Variants in PPP1R16A observed in about 807,000 individuals in gnomAD.
PPP1R16A encodes myosin phosphatase-targeting subunit 3.
A neutral mutation model predicts 46.6 loss-of-function variants in PPP1R16A; 39 were observed. That is an observed-to-expected ratio of 0.84 (90% confidence interval 0.65 to 1.09). The LOEUF (loss-of-function observed/expected upper bound fraction) is 1.09, where lower values mean the gene tolerates loss of function less well. PPP1R16A is among the 50% of genes least tolerant of loss of function. The probability of loss-of-function intolerance (pLI) is 0.00; values close to 1 mark genes in which losing one functional copy is unlikely to be tolerated. For synonymous variants in PPP1R16A, 413 were observed against 321.5 expected (o/e 1.28, Z -3.04); for missense variants, 798 against 735.6 (o/e 1.08, Z -0.98).
rs1199328180 is a variant in PPP1R16A at position 144,498,907 on chromosome 8, G to A, written c.331-9G>A. On this transcript the variant is annotated splice_polypyrimidine_tract_variant and intron_variant, in intron 4 of 11. Transcript: ENST00000435887. ...CGTGCTCTGGTCGCTCACGTGGCACGGTTTGCAGTGCTGCATTGATGATTT... is the reference window on the plus strand; with the variant it reads ...CGTGCTCTGGTCGCTCACGTGGCACAGTTTGCAGTGCTGCATTGATGATTT... 4 of 1,612,770 alleles carry A rather than the reference G, an allele frequency of 2.5e-6. No individual in the cohort carries two copies. The highest frequency in any genetic ancestry group is 3.4e-6 in the Non-Finnish European group (4 of 1,179,874).
Position 144,478,220 on chromosome 8 carries a change from G to A in PPP1R16A, c.-914+93G>A, listed in dbSNP as rs1825255437. On this transcript the variant is annotated intron_variant, in intron 1 of 11. Transcript: ENST00000435887. ...GCAGTGGCGGGCCCGGGAAGGAGGG[G>A]CACTGGGTCGACACCGAGAGAGGAG... The A allele has an allele frequency of 1.5e-5, 6 of 388,268 alleles. No homozygotes were observed. In the East Asian group the frequency reaches 2.2e-4, roughly 14 times the overall value. 24.1% of individuals were successfully genotyped at this position (388,268 alleles called of 1,614,324 possible). A position where few individuals can be genotyped will look rare whatever the true frequency, so the allele number is the denominator to read the frequency against.
intron 2 of PPP1R16A, among the ~76,000 whole-genome samples, chr8:144,491,876 G>A (rs1313113018): frequency 5.3e-5 from 8 of 152,096 alleles, no homozygotes; most frequent in Non-Finnish European, 7.4e-5. Context: ...AGGCTACAGC[G>A]AGCCGTGATT....
chr8:144,501,418 C>T (rs1370139892), intron 11 of PPP1R16A, 102 bp from the exon 12 acceptor site: 17 of 1,478,114 alleles, frequency 1.2e-5, no homozygotes, highest in African/African-American at 1.1e-4. Context: ...CAGCTTTTGC[C>T]CCATCTCTCC....
chr8:144,486,710 T>C (rs1825639653), intron 1 of PPP1R16A, among the ~76,000 whole-genome samples: 1 of 152,198 alleles, frequency 6.6e-6, no homozygotes, highest in South Asian at 2.1e-4. Flanking sequence ...ATCGTTTCAT[T>C]TTTACTGCTG....
At position 144,500,977 on chromosome 8, in the gene PPP1R16A, C is replaced by A. The variant is rs569440310; in HGVS notation, c.1037+6C>A. 6.9e-7 allele frequency: 1 copy of A among 1,449,006 alleles called. No individual in the cohort carries two copies. The highest frequency in any genetic ancestry group is 9.0e-7 in the Non-Finnish European group (1 of 1,112,640). The allele number at this position is 1,449,006 out of a possible 1,614,324, so 89.8% of individuals were successfully genotyped here. A position where few individuals can be genotyped will look rare whatever the true frequency, so the allele number is the denominator to read the frequency against. On this transcript the variant is annotated splice_donor_region_variant and intron_variant, in intron 10 of 11. Transcript: ENST00000435887. ...TCCAGCGCCGGCAGCCGCGGGTGAGCGCCGCCCCCAGCAGGCCCCGCCCCG... is the reference window on the plus strand; with the variant it reads ...TCCAGCGCCGGCAGCCGCGGGTGAGAGCCGCCCCCAGCAGGCCCCGCCCCG...
rs1223192962 is a variant in PPP1R16A, at chr8:144,493,960, G to T, written c.-734-2501G>T. On this transcript the variant is annotated intron_variant, in intron 2 of 11. Transcript: ENST00000435887. This position sits in a 1 kb window ranked among gnomAD's most constrained non-coding sequence, Gnocchi z 4.3. ...CAGGGGGACTGGGGGGGTTCCCACT[G>T]TCCAGCTGCTGTTCTCTGATGAATT... 6.6e-6 allele frequency among the ~76,000 whole-genome samples: 1 copy of T among 152,134 alleles called. No homozygotes were observed. The highest frequency in any genetic ancestry group is 1.5e-5 in the Non-Finnish European group (1 of 67,984).
intron 1 of PPP1R16A, among the ~76,000 whole-genome samples, chr8:144,483,271 T>C (rs1825510554): frequency 6.6e-6 from 1 of 152,232 alleles, no homozygotes; most frequent in Non-Finnish European, 1.5e-5. Context: ...TCCTGCCTCC[T>C]ACAAATGATG....
intron 2 of PPP1R16A, among the ~76,000 whole-genome samples, chr8:144,492,731 G>A (rs755948042): frequency 1.2e-4 from 19 of 152,066 alleles, no homozygotes; most frequent in South Asian, 4.1e-4. Flanking sequence ...CTTTCGCTCC[G>A]CCTGTAGAAG....
chr8:144,491,742 G>A (rs1319772933), intron 2 of PPP1R16A, among the ~76,000 whole-genome samples: 5 of 145,806 alleles, frequency 3.4e-5, no homozygotes, highest in South Asian at 2.2e-4. Context: ...CAGCCTGGGC[G>A]ATGGAGCGAG....
Position 144,498,777 on chromosome 8 carries a change from G to C in PPP1R16A, c.267G>C (p.Gln89His). ...CTCGCCACCTTTTTGCAGTCCGCCA[G>C]TTCCTTGGGAGTGGGGTCAGCCCTG... ...AARNDLEEVR[Q>H]FLGSGVSPDL... is the part of the protein sequence containing the mutation. Residue 89 changes from glutamine to histidine, a missense_variant, in exon 4 of 12, where the codon CAG becomes CAC. Coordinates refer to ENST00000435887, the MANE Select transcript of PPP1R16A (RefSeq NM_001329443.2). The C allele has an allele frequency of 6.3e-7, 1 of 1,588,270 alleles. No homozygotes were observed. Among genetic ancestry groups the C allele is most frequent in the Non-Finnish European group, 8.6e-7 (1 of 1,161,502 alleles).
rs554263341 is a variant in PPP1R16A at position 144,500,966 on chromosome 8, C to T, written c.1032C>T (p.Ser344=). Residue 344 remains serine (S), a synonymous_variant, in exon 10 of 12, where the codon AGC becomes AGT. Transcript: ENST00000435887. ...LLRRRTSSAG[S]RGKVVRRVSL... The stretch of plus-strand genomic sequence containing the variant: ...GCCGCCGCACCTCCAGCGCCGGCAG[C>T]CGCGGGTGAGCGCCGCCCCCAGCAG... 1.4e-6 allele frequency: 2 copies of T among 1,468,316 alleles called. No homozygotes were observed. The highest frequency in any genetic ancestry group is 2.9e-5 in the East Asian group (1 of 35,008). 91.0% of individuals were successfully genotyped at this position (1,468,316 alleles called of 1,614,324 possible).
At chr8:144,499,444 C>G (rs545874698) in intron 5 of PPP1R16A, 5 of 240,930 alleles carry the variant, frequency 2.1e-5, no homozygotes, top group Non-Finnish European at 4.0e-5. Context: ...TTACCTTTAA[C>G]ACAGAGGGAC....
intron 2 of PPP1R16A, among the ~76,000 whole-genome samples, chr8:144,491,346 G>T (rs1271015487): frequency 1.3e-5 from 2 of 152,164 alleles, no homozygotes; most frequent in African/African-American, 4.8e-5. Flanking sequence ...GGGTGTGGTG[G>T]CTCATACCTA....
chr8:144,501,202 G>C lies in PPP1R16A; in HGVS notation c.1111G>C (p.Val371Leu), dbSNP rs769057783. Residue 371 changes from valine (V) to leucine (L), a missense_variant, in exon 11 of 12, where the codon GTG becomes CTG. Val to Leu is a conservative substitution (Grantham distance 32). Coordinates refer to ENST00000435887, the MANE Select transcript of PPP1R16A (RefSeq NM_001329443.2). The part of the protein sequence containing the change: ...YRKQHAQEAI[V>L]WQQPPPTSPE... ...CAAGCAGCACGCCCAGGAGGCCATC[G>C]TGTGGCAACAGCCGCCGCCCACCAG... 1 of 1,609,500 alleles carries C rather than the reference G, an allele frequency of 6.2e-7. No homozygotes were observed. Among genetic ancestry groups the C allele is most frequent in the Admixed American group, 1.7e-5 (1 of 59,988 alleles).
In PPP1R16A at chr8:144,501,648, C is replaced by A. The variant is rs754484320; in HGVS notation, c.1332C>A (p.Pro444=). Residue 444 remains proline, a synonymous_variant, in exon 12 of 12, where the codon CCC becomes CCA. Coordinates refer to ENST00000435887, the MANE Select transcript of PPP1R16A (RefSeq NM_001329443.2). ...YQLSPLDSTT[P]HTLVHDKAHH... is the part of the protein sequence containing the mutation. Reference sequence around the variant, plus strand: ...TGAGCCCCCTGGACAGCACCACCCCCCACACCCTGGTCCACGACAAGGCCC... The same window carrying A: ...TGAGCCCCCTGGACAGCACCACCCCACACACCCTGGTCCACGACAAGGCCC... The A allele has an allele frequency of 4.3e-6, 7 of 1,610,896 alleles. No individual in the cohort carries two copies. The Admixed American group carries it at 1.0e-4, about 23-fold the overall frequency.
rs1586741753 is a variant in PPP1R16A at position 144,487,466 on chromosome 8, C to A, written c.-913-2568C>A. Among the ~76,000 whole-genome samples the A allele has an allele frequency of 2.0e-5, 3 of 152,266 alleles. No homozygotes were observed. In the South Asian group the frequency reaches 6.2e-4, roughly 32 times the overall value. On this transcript the variant is annotated intron_variant, in intron 1 of 11. Transcript: ENST00000435887. ...CTCACTGCAACCTCTGCCTCCCAGG[C>A]TCAAGTGATCTTCCCACCTCAGCCT...
At chr8:144,481,357 C>T (rs547066377) in intron 1 of PPP1R16A, among the ~76,000 whole-genome samples, 1 of 152,078 alleles carries the variant, frequency 6.6e-6, no homozygotes, top group South Asian at 2.1e-4. Context: ...AAGAATTTCA[C>T]ATTGGCTGGG....
chr8:144,481,381 G>T (rs1000695965), intron 1 of PPP1R16A, among the ~76,000 whole-genome samples: 6 of 150,912 alleles, frequency 4.0e-5, no homozygotes, highest in African/African-American at 1.5e-4. Context: ...GGGGGCTCAC[G>T]CCTGTAATCC....
intron 1 of PPP1R16A, chr8:144,478,377 C>A: frequency 2.9e-6 from 1 of 350,420 alleles, no homozygotes; most frequent in Non-Finnish European, 5.1e-6. Flanking sequence ...ACGCGGCTGC[C>A]GGCACGCGGG....
Sources: gnomAD v4.1 joint callset for allele counts (sites outside exome capture counted in the v4.1 genomes callset) on GRCh38, gnomAD v4.1.1 for gene constraint, Gnocchi (gnomAD v3.1) non-coding constraint, MANE v1.5 for transcripts, NCBI Gene and HGNC (gene_info 2026-07-23, HGNC 2026-07-21) for gene names.